The following GRIA2 variants were observed in gnomAD, a reference collection of about 807,000 sequenced individuals.
GRIA2 encodes glutamate receptor 2.
In GRIA2, 14 loss-of-function variants were observed where a neutral mutation model predicts 97.3. The ratio of observed to expected loss-of-function variants is 0.14; its 90% confidence interval spans 0.10 to 0.23. GRIA2 has a LOEUF of 0.23. Ranked by LOEUF, GRIA2 falls within the 10% of genes least tolerant of loss-of-function variation. GRIA2 has a pLI of 1.00. For synonymous variants in GRIA2, 412 were observed against 387.8 expected, an observed-to-expected ratio of 1.06 and a Z score of -0.73; for missense variants, 558 against 1,069.8, an observed-to-expected ratio of 0.52 and a Z score of 6.67.
rs1736632574 is a variant in GRIA2, at chr4:157,361,553, T to C, written c.2406+429T>C. 1 of 1,601,318 alleles carries C rather than the reference T, an allele frequency of 6.2e-7. No homozygotes were observed. Among genetic ancestry groups the C allele is most frequent in the Non-Finnish European group, 8.6e-7 (1 of 1,168,646 alleles). On this transcript the variant is annotated intron_variant, in intron 14 of 15. Transcript: ENST00000264426. This position sits in a 1 kb window ranked among gnomAD's most constrained non-coding sequence, Gnocchi z 5.2. The stretch of plus-strand genomic sequence containing the variant: ...CCACGTGAAGAACCCCAGTAAATCT[T>C]GCAGTATTGAAACTCAGTGAGCAAG...
chr4:157,256,241 TA>T (rs1579308883), intron 2 of GRIA2, among the ~76,000 whole-genome samples: 32 of 99,304 alleles, frequency 3.2e-4, no homozygotes, highest in South Asian at 5.2e-4. Context: ...ATAATATATA[TA>T]TATAATATAT....
At chr4:157,246,714 T>A (rs1730748082) in intron 2 of GRIA2, among the ~76,000 whole-genome samples, 1 of 152,170 alleles carries the variant, frequency 6.6e-6, no homozygotes, top group African/African-American at 2.4e-5. Flanking sequence ...ATATTTCTTA[T>A]AGTTAATGTG....
intron 5 of GRIA2, 57 bp from the exon 6 acceptor site, chr4:157,321,381 T>C: frequency 8.3e-7 from 1 of 1,206,664 alleles, no homozygotes; most frequent in Non-Finnish European, 1.2e-6. Flanking sequence ...TTGGTAAATG[T>C]TAAGTAGCAT....
At chr4:157,318,287 A>G (rs1421714587) in intron 5 of GRIA2, among the ~76,000 whole-genome samples, 4 of 152,134 alleles carry the variant, frequency 2.6e-5, no homozygotes, top group Non-Finnish European at 4.4e-5. Flanking sequence ...TTTAGCATAT[A>G]TAATATCTGA....
intron 2 of GRIA2, among the ~76,000 whole-genome samples, chr4:157,264,472 C>T (rs897290626): frequency 6.6e-6 from 1 of 152,094 alleles, no homozygotes; most frequent in Non-Finnish European, 1.5e-5. Flanking sequence ...TCCTCTTTCA[C>T]TTACAAGAAC....
At chr4:157,272,949 A>G (rs1039233880) in intron 2 of GRIA2, among the ~76,000 whole-genome samples, 5 of 152,028 alleles carry the variant, frequency 3.3e-5, no homozygotes, top group Non-Finnish European at 5.9e-5. Flanking sequence ...TCTTACCACC[A>G]TATCACAGAA....
chr4:157,278,585 C>G (rs1732454067), intron 2 of GRIA2, among the ~76,000 whole-genome samples: 1 of 151,790 alleles, frequency 6.6e-6, no homozygotes, highest in African/African-American at 2.4e-5. Flanking sequence ...GATAGAACAC[C>G]AAAGGCACAG....
intron 2 of GRIA2, among the ~76,000 whole-genome samples, chr4:157,285,777 T>A (rs1288102667): frequency 2.0e-5 from 3 of 151,594 alleles, no homozygotes; most frequent in Non-Finnish European, 4.4e-5. Flanking sequence ...TGCTTTTTTA[T>A]AAAAGTTCAA....
chr4:157,254,023 C>CTTT (rs879674487), intron 2 of GRIA2, among the ~76,000 whole-genome samples: 1 of 145,474 alleles, frequency 6.9e-6, no homozygotes, highest in Non-Finnish European at 1.5e-5. Flanking sequence ...CACATACTTT[C>CTTT]TTTTTTTTTT....
Position 157,220,802 on chromosome 4 carries a change from C to G in GRIA2, c.-241C>G. The stretch of plus-strand genomic sequence containing the variant: ...ACCACAGCGGCAGCTCCGCTGAAAA[C>G]TGCATTCAGCCAGTCCTCCGGACTT... On this transcript the variant is annotated 5_prime_UTR_variant, in exon 1 of 16. Transcript: ENST00000264426. 1 of 549,596 alleles carries G rather than the reference C, an allele frequency of 1.8e-6. No individual in the cohort carries two copies. Among genetic ancestry groups the G allele is most frequent in the Non-Finnish European group, 3.2e-6 (1 of 307,724 alleles). 34.0% of individuals were successfully genotyped at this position (549,596 alleles called of 1,614,324 possible).
chr4:157,240,664 AT>A (rs1306037791), intron 2 of GRIA2, among the ~76,000 whole-genome samples: 1 of 147,574 alleles, frequency 6.8e-6, no homozygotes. Flanking sequence ...CTTTTTTCTT[AT>A]TCTGATTTTC....
At chr4:157,348,897 A>G (rs2126967080) in intron 12 of GRIA2, among the ~76,000 whole-genome samples, 1 of 152,334 alleles carries the variant, frequency 6.6e-6, no homozygotes, top group African/African-American at 2.4e-5. Flanking sequence ...TGATGATACA[A>G]ATATGAAATA....
chr4:157,309,732 C>T (rs1339591542), intron 3 of GRIA2, among the ~76,000 whole-genome samples: 1 of 152,126 alleles, frequency 6.6e-6, no homozygotes, highest in Admixed American at 6.5e-5. Context: ...AATCCATTTA[C>T]AAAGTGTCAT....
At chr4:157,283,493 C>T (rs2126818880) in intron 2 of GRIA2, among the ~76,000 whole-genome samples, 1 of 152,012 alleles carries the variant, frequency 6.6e-6, no homozygotes, top group East Asian at 1.9e-4. Context: ...GTAATGCTTA[C>T]TTAGCTTAAT....
Position 157,362,793 on chromosome 4 carries a change from C to A in GRIA2, c.2407-6C>A, listed in dbSNP as rs761070965. 1.4e-5 allele frequency: 22 copies of A among 1,608,756 alleles called. No homozygotes were observed. Among genetic ancestry groups the A allele is most frequent in the Non-Finnish European group, 1.8e-5 (21 of 1,177,338 alleles). ...CTAATAACCTCTTCTCATATACATT[C>A]TTTAGGAAAAGACCAGTGCCCTCAG... On this transcript the variant is annotated splice_polypyrimidine_tract_variant and splice_region_variant and intron_variant, in intron 14 of 15. Transcript: ENST00000264426.
Position 157,253,594 on chromosome 4 carries a change from T to C in GRIA2, c.229+31787T>C, listed in dbSNP as rs751458449. 4.6e-5 allele frequency among the ~76,000 whole-genome samples: 7 copies of C among 152,112 alleles called. No individual in the cohort carries two copies. The East Asian group carries it at 5.8e-4, about 13-fold the overall frequency. On this transcript the variant is annotated intron_variant, in intron 2 of 15. Coordinates refer to ENST00000264426, the MANE Select transcript of GRIA2 (RefSeq NM_001083619.3). ...TACTGGTGGGGTTTCAAAAATTTAA[T>C]TGAAAGCAGAATAGAATACTAGAAC...
chr4:157,283,402 A>G (rs1026025628), intron 2 of GRIA2, among the ~76,000 whole-genome samples: 2 of 151,976 alleles, frequency 1.3e-5, no homozygotes, highest in African/African-American at 4.8e-5. Context: ...GAGTGTGAGG[A>G]AGACCCACAA....
At chr4:157,239,832 AT>A (rs1730423372) in intron 2 of GRIA2, among the ~76,000 whole-genome samples, 1 of 151,850 alleles carries the variant, frequency 6.6e-6, no homozygotes, top group Admixed American at 6.6e-5. Context: ...ATTTTTATAT[AT>A]TTTTCCTGTA....
intron 2 of GRIA2, among the ~76,000 whole-genome samples, chr4:157,236,118 T>A (rs1730234920): frequency 6.6e-6 from 1 of 152,046 alleles, no homozygotes; most frequent in South Asian, 2.1e-4. Flanking sequence ...TCTAATAGAA[T>A]TAAAATATTT....
Sources: allele counts gnomAD v4.1 joint callset (sites outside exome capture counted in the v4.1 genomes callset), GRCh38; gene constraint gnomAD v4.1.1; non-coding constraint Gnocchi (gnomAD v3.1); transcripts MANE v1.5; gene names NCBI Gene and HGNC (gene_info 2026-07-23, HGNC 2026-07-21).